The following RBPJ variants were observed in gnomAD, a reference collection of about 807,000 sequenced individuals.
The protein encoded by RBPJ is recombination signal binding protein for immunoglobulin kappa J region.
In RBPJ, 9 loss-of-function variants were observed where a neutral mutation model predicts 67.8. That is an observed-to-expected ratio of 0.13 (90% confidence interval 0.08 to 0.23). The LOEUF (loss-of-function observed/expected upper bound fraction) is 0.23. Ranked by LOEUF, RBPJ falls within the 10% of genes least tolerant of loss-of-function variation. The pLI is 1.00. For synonymous variants in RBPJ, 198 were observed against 203.3 expected (o/e 0.97, Z 0.22); for missense variants, 305 against 595.6 (o/e 0.51, Z 5.08).
chr4:26,151,575 T>C, the RBPJ span, among the ~76,000 whole-genome samples: 5 of 152,102 alleles, frequency 3.3e-5, no homozygotes, highest in African/African-American at 1.2e-4. Flanking sequence ...TTTGAGAGAG[T>C]CACTGTCCCC....
intron 1 of RBPJ, among the ~76,000 whole-genome samples, chr4:26,194,227 T>C (rs1049297301): frequency 6.6e-6 from 1 of 152,150 alleles, no homozygotes; most frequent in African/African-American, 2.4e-5. Flanking sequence ...GGCTCTTGGG[T>C]CTTGACCTTT....
intron 2 of RBPJ, among the ~76,000 whole-genome samples, chr4:26,398,636 CAG>C (rs1352096469): frequency 6.6e-6 from 1 of 152,128 alleles, no homozygotes; most frequent in Non-Finnish European, 1.5e-5. Flanking sequence ...TTTTTGGAAA[CAG>C]AGTCTCGCTC....
chr4:26,107,615 G>A, the RBPJ span, among the ~76,000 whole-genome samples: 1 of 152,150 alleles, frequency 6.6e-6, no homozygotes, highest in Non-Finnish European at 1.5e-5. Context: ...CTTCTCTTTG[G>A]GTCCAGGTGT....
At chr4:26,249,791 C>CT (rs1329128596) in intron 1 of RBPJ, among the ~76,000 whole-genome samples, 4,983 of 128,716 alleles carry the variant, frequency 0.039, 149 homozygotes, top group African/African-American at 0.067. Context: ...TTTTTTTTTT[C>CT]TTTTTTTTTT....
chr4:26,223,917 C>T (rs1449151075), intron 1 of RBPJ, among the ~76,000 whole-genome samples: 1 of 152,162 alleles, frequency 6.6e-6, no homozygotes, highest in African/African-American at 2.4e-5. Flanking sequence ...TTACGGAACT[C>T]TATGACCTTG....
chr4:26,217,946 G>A (rs991216541), intron 1 of RBPJ, among the ~76,000 whole-genome samples: 3 of 152,156 alleles, frequency 2.0e-5, no homozygotes, highest in Non-Finnish European at 4.4e-5. Context: ...AAGAAGCTCT[G>A]CGCTCAAAGG....
At chr4:26,115,535 T>C in the RBPJ span, among the ~76,000 whole-genome samples, 1 of 152,070 alleles carries the variant, frequency 6.6e-6, no homozygotes, top group Non-Finnish European at 1.5e-5. Flanking sequence ...CAGGCGCGTG[T>C]CACCACGTCC....
chr4:26,154,093 CAG>C, the RBPJ span, among the ~76,000 whole-genome samples: 7 of 152,148 alleles, frequency 4.6e-5, no homozygotes, highest in African/African-American at 1.2e-4. Flanking sequence ...AGCTGCTGAC[CAG>C]AGTTTCTGCC....
At chr4:26,191,464 G>T (rs1011207697) in intron 1 of RBPJ, among the ~76,000 whole-genome samples, 7 of 151,796 alleles carry the variant, frequency 4.6e-5, no homozygotes, top group Admixed American at 3.3e-4. Context: ...ACCACCCCAG[G>T]TTCAATGACT....
intron 1 of RBPJ, among the ~76,000 whole-genome samples, chr4:26,313,699 G>T (rs986373122): frequency 2.0e-5 from 3 of 151,772 alleles, no homozygotes; most frequent in Non-Finnish European, 4.4e-5. Flanking sequence ...AGCAGGGCAT[G>T]GTGGCATGTA....
At chr4:26,316,568 C>CATATATATTCATGTATAT (rs1560258526), upstream of RBPJ, among the ~76,000 whole-genome samples, 3 of 15,766 alleles carry the variant, frequency 1.9e-4, no homozygotes, top group African/African-American at 6.2e-4. Context: ...TATATATACA[C>CATATATATTCATGTATAT]ATTCATATAT....
chr4:26,278,685 G>A (rs1175190395), intron 1 of RBPJ, among the ~76,000 whole-genome samples: 2 of 152,172 alleles, frequency 1.3e-5, no homozygotes, highest in Non-Finnish European at 2.9e-5. Context: ...GACACTCAGG[G>A]ACTCTACTGA....
At chr4:26,260,865 T>C (rs1334371806) in intron 1 of RBPJ, among the ~76,000 whole-genome samples, 10 of 152,198 alleles carry the variant, frequency 6.6e-5, no homozygotes, top group Non-Finnish European at 5.9e-5. Flanking sequence ...CCCTCCTTCC[T>C]CTGAACTCAC....
chr4:26,175,040 T>C (rs1320109091), intron 1 of RBPJ, among the ~76,000 whole-genome samples: 1 of 152,192 alleles, frequency 6.6e-6, no homozygotes, highest in Non-Finnish European at 1.5e-5. Context: ...CCCCTCTTCA[T>C]GTGTTTTCTC....
the RBPJ span, among the ~76,000 whole-genome samples, chr4:26,135,431 G>A: frequency 7.9e-5 from 12 of 152,080 alleles, no homozygotes; most frequent in South Asian, 4.2e-4. Context: ...GGATTTAAAC[G>A]CAACAACCCT....
At chr4:26,200,354 T>C (rs923109891) in intron 1 of RBPJ, among the ~76,000 whole-genome samples, 1 of 152,190 alleles carries the variant, frequency 6.6e-6, no homozygotes, top group African/African-American at 2.4e-5. Context: ...CCACAACTGG[T>C]GGCAGAGCCC....
At chr4:26,249,117 AAAG>A (rs199733133) in intron 1 of RBPJ, among the ~76,000 whole-genome samples, 1 of 151,706 alleles carries the variant, frequency 6.6e-6, no homozygotes, top group African/African-American at 2.4e-5. Flanking sequence ...AATGAATAGA[AAAG>A]AAGAAAGAGA....
chr4:26,156,975 T>A, the RBPJ span, among the ~76,000 whole-genome samples: 2 of 151,186 alleles, frequency 1.3e-5, no homozygotes, highest in African/African-American at 4.9e-5. Flanking sequence ...CTCAGGAGGC[T>A]GAGGTGAAAG....
chr4:26,113,450 C>G, the RBPJ span: 1 of 552,724 alleles, frequency 1.8e-6, no homozygotes. Context: ...GAAACCACAC[C>G]TTACCAACCA....
Sources: gnomAD v4.1 joint callset for allele counts (sites outside exome capture counted in the v4.1 genomes callset) on GRCh38, gnomAD v4.1.1 for gene constraint, MANE v1.5 for transcripts, NCBI Gene and HGNC (gene_info 2026-07-23, HGNC 2026-07-21) for gene names.